The following ST18 variants were observed in gnomAD, a reference collection of about 807,000 sequenced individuals.
ST18 encodes the protein suppression of tumorigenicity 18 protein.
Under a neutral mutation model 110.0 loss-of-function variants are expected in ST18, and 50 were observed. The ratio of observed to expected loss-of-function variants is 0.45; its 90% CI spans 0.36 to 0.58. The LOEUF (loss-of-function observed/expected upper bound fraction) is 0.58, where lower values mean the gene tolerates loss of function less well. Among genes scored for constraint, ST18 ranks in the 20% least tolerant of loss-of-function variants. The pLI is 0.00. For synonymous variants in ST18, 461 were observed against 452.4 expected, an observed-to-expected ratio of 1.02 and a Z score of -0.24; for missense variants, 1,306 against 1,280.1, an observed-to-expected ratio of 1.02 and a Z score of -0.31.
At chr8:52,236,680 G>T (rs1211385455) in intron 2 of ST18, among the ~76,000 whole-genome samples, 2 of 151,746 alleles carry the variant, frequency 1.3e-5, no homozygotes, top group East Asian at 3.9e-4. Flanking sequence ...AGCTAAGATG[G>T]CATCTTTCTT....
intron 2 of ST18, among the ~76,000 whole-genome samples, chr8:52,398,194 G>T (rs575716051): frequency 6.6e-6 from 1 of 151,978 alleles, no homozygotes; most frequent in African/African-American, 2.4e-5. Context: ...ATTGAAATGG[G>T]ATCATTTTCT....
rs117883957 is a variant in ST18 at position 52,341,269 on chromosome 8, G to A, written c.-465+68059C>T. ...AACACGTGGAAAGGGATAAAACACA[G>A]GTCTTCCACCTGGCTTCCATCAGGA... On this transcript the variant is annotated intron_variant, in intron 2 of 25. Transcript: ENST00000689386. Among the ~76,000 whole-genome samples, 67 of 152,314 alleles carry A rather than the reference G, an allele frequency of 4.4e-4. 3 individuals carry two copies. The East Asian group carries it at 0.011, about 25-fold the overall frequency.
chr8:52,170,110 C>G (rs1436085507), intron 10 of ST18, among the ~76,000 whole-genome samples: 1 of 152,138 alleles, frequency 6.6e-6, no homozygotes. Flanking sequence ...AAGAAATCAT[C>G]ATTTTGTGTG....
At chr8:52,408,932 A>C (rs1845468015) in intron 2 of ST18, 1 of 152,268 alleles carries the variant, frequency 6.6e-6, no homozygotes, top group Non-Finnish European at 1.5e-5. Context: ...AGAAAAAGTG[A>C]TGTTTTTAAA....
chr8:52,121,682 C>A, intron 23 of ST18, among the ~76,000 whole-genome samples: 1 of 151,434 alleles, frequency 6.6e-6, no homozygotes, highest in Non-Finnish European at 1.5e-5. Flanking sequence ...AGAATATGTT[C>A]TTTTAACCAT....
chr8:52,143,398 T>C (rs960912002), intron 16 of ST18, among the ~76,000 whole-genome samples: 3 of 152,026 alleles, frequency 2.0e-5, no homozygotes, highest in African/African-American at 7.3e-5. Context: ...GGCAGGAGAA[T>C]TGCGTGAACC....
intron 2 of ST18, among the ~76,000 whole-genome samples, chr8:52,243,501 T>C (rs1036962756): frequency 6.6e-6 from 1 of 152,034 alleles, no homozygotes; most frequent in Non-Finnish European, 1.5e-5. Context: ...TAAGGAGAGA[T>C]TAAGGGAAAG....
intron 2 of ST18, among the ~76,000 whole-genome samples, chr8:52,275,072 G>A (rs62499810): frequency 6.6e-6 from 1 of 152,142 alleles, no homozygotes; most frequent in African/African-American, 2.4e-5. Context: ...GCATTGGCAG[G>A]TTTGGTTTCT....
chr8:52,321,900 T>A (rs1804090163), intron 2 of ST18, among the ~76,000 whole-genome samples: 1 of 152,214 alleles, frequency 6.6e-6, no homozygotes, highest in Admixed American at 6.5e-5. Context: ...TGTTTCTAAG[T>A]CTTTACCCAC....
At chr8:52,212,477 A>G (rs766895363) in intron 7 of ST18, among the ~76,000 whole-genome samples, 6 of 152,246 alleles carry the variant, frequency 3.9e-5, no homozygotes, top group African/African-American at 1.2e-4. Flanking sequence ...ATCTTTATTA[A>G]TATTAAACAC....
chr8:52,383,059 TCTC>T (rs1331592102), intron 2 of ST18, among the ~76,000 whole-genome samples: 1 of 152,140 alleles, frequency 6.6e-6, no homozygotes, highest in Non-Finnish European at 1.5e-5. Flanking sequence ...CTCTTCTTCT[TCTC>T]TACTACTTTT....
intron 8 of ST18, among the ~76,000 whole-genome samples, chr8:52,191,300 C>A (rs2074386515): frequency 6.6e-6 from 1 of 152,222 alleles, no homozygotes; most frequent in East Asian, 1.9e-4. Context: ...GAATTATGCA[C>A]TGCTAGAAAA....
chr8:52,199,009 A>T (rs1406943479), intron 8 of ST18: 2 of 151,978 alleles, frequency 1.3e-5, no homozygotes, highest in Non-Finnish European at 2.9e-5. Flanking sequence ...CCATGGCCTC[A>T]TTGGTACTCA....
chr8:52,248,903 A>G (rs1023592041), intron 2 of ST18, among the ~76,000 whole-genome samples: 4 of 152,154 alleles, frequency 2.6e-5, no homozygotes, highest in Non-Finnish European at 5.9e-5. Context: ...GTTATTAAAT[A>G]TATATTAGGG....
At chr8:52,353,401 A>G (rs1821254229) in intron 2 of ST18, among the ~76,000 whole-genome samples, 1 of 152,220 alleles carries the variant, frequency 6.6e-6, no homozygotes, top group South Asian at 2.1e-4. Flanking sequence ...ATAATGTTGT[A>G]GAAAGGCCTT....
chr8:52,189,234 T>C (rs1031227446), intron 8 of ST18, among the ~76,000 whole-genome samples: 1 of 152,128 alleles, frequency 6.6e-6, no homozygotes, highest in African/African-American at 2.4e-5. Flanking sequence ...CTCATATGTA[T>C]GGCAGGAGCT....
chr8:52,231,951 C>T (rs1296101911), intron 2 of ST18, among the ~76,000 whole-genome samples: 3 of 152,166 alleles, frequency 2.0e-5, no homozygotes, highest in African/African-American at 7.2e-5. Context: ...GCTATGCGTT[C>T]CGTAGATCTA....
chr8:52,116,522 A>G, intron 24 of ST18, 104 bp from the exon 25 acceptor site: 4 of 1,126,080 alleles, frequency 3.6e-6, no homozygotes, highest in Non-Finnish European at 5.0e-6. Flanking sequence ...ATACTAAGAG[A>G]TGCAGAGATG....
At chr8:52,241,987 G>T (rs2093448005) in intron 2 of ST18, among the ~76,000 whole-genome samples, 1 of 151,892 alleles carries the variant, frequency 6.6e-6, no homozygotes, top group South Asian at 2.1e-4. Context: ...AAGTTTCTCT[G>T]CTAGGTACTG....
Sources: gnomAD v4.1 joint callset for allele counts (sites outside exome capture counted in the v4.1 genomes callset) on GRCh38, gnomAD v4.1.1 for gene constraint, MANE v1.5 for transcripts, NCBI Gene and HGNC (gene_info 2026-07-23, HGNC 2026-07-21) for gene names.